DCTN6: variants seen among roughly 807,000 people sequenced by gnomAD.
The protein encoded by DCTN6 is dynactin 6.
In DCTN6, 15 loss-of-function variants were observed where a neutral mutation model predicts 25.8. The observed-to-expected ratio is 0.58, with a 90% CI of 0.39 to 0.89. DCTN6 has a LOEUF of 0.89. DCTN6 is among the 40% of genes least tolerant of loss of function. The pLI is 0.00. For missense variants in DCTN6, 198 were observed against 237.6 expected (o/e 0.83, Z 1.09); for synonymous variants, 64 against 78.3 (o/e 0.82, Z 0.96).
chr8:30,163,566 T>A (rs955973488), intron 1 of DCTN6, among the ~76,000 whole-genome samples: 9 of 152,228 alleles, frequency 5.9e-5, no homozygotes, highest in African/African-American at 1.9e-4. Flanking sequence ...GTGCTGCTAT[T>A]AAAAGAAAAG....
intron 1 of DCTN6, among the ~76,000 whole-genome samples, chr8:30,157,750 G>A (rs1223398427): frequency 1.3e-5 from 2 of 152,078 alleles, no homozygotes; most frequent in Non-Finnish European, 2.9e-5. Flanking sequence ...AAGCCATTTC[G>A]AACAGCAGCA....
chr8:30,170,979 A>T (rs528864598), intron 2 of DCTN6, among the ~76,000 whole-genome samples: 17 of 152,256 alleles, frequency 1.1e-4, no homozygotes, highest in African/African-American at 4.1e-4. Context: ...CTTCTGTGAA[A>T]AAAATTTTTA....
intron 2 of DCTN6, among the ~76,000 whole-genome samples, chr8:30,172,056 G>A (rs974945099): frequency 3.9e-5 from 6 of 152,200 alleles, no homozygotes; most frequent in East Asian, 1.9e-4. Context: ...ATATTTTGAC[G>A]TAAAATATAA....
rs781623347 is a variant in DCTN6 at position 30,177,091 on chromosome 8, T to C, written c.195-35T>C. 5 of 1,552,370 alleles carry C rather than the reference T, an allele frequency of 3.2e-6. No individual in the cohort carries two copies. In the African/African-American group the frequency reaches 5.5e-5, roughly 17 times the overall value. On this transcript the variant is annotated intron_variant, in intron 3 of 6. Transcript: ENST00000221114. The stretch of plus-strand genomic sequence containing the variant: ...GGAAGAAAATTGCTTATTGTGTTAT[T>C]GACTTTTTGGATGATTTGTTTCTTC...
intron 2 of DCTN6, among the ~76,000 whole-genome samples, chr8:30,166,447 C>CCAA (rs1204568063): frequency 1.3e-5 from 2 of 151,504 alleles, no homozygotes; most frequent in African/African-American, 2.4e-5. Flanking sequence ...CACACCTGGC[C>CCAA]CAACAACAAC....
At chr8:30,161,607 A>G (rs1388450792) in intron 1 of DCTN6, among the ~76,000 whole-genome samples, 1 of 151,946 alleles carries the variant, frequency 6.6e-6, no homozygotes, top group Non-Finnish European at 1.5e-5. Context: ...CTTTCTCTTC[A>G]TGATTTTTGT....
chr8:30,161,408 C>G (rs944533878), intron 1 of DCTN6, among the ~76,000 whole-genome samples: 2 of 152,074 alleles, frequency 1.3e-5, no homozygotes, highest in East Asian at 3.9e-4. Flanking sequence ...CCTCCCTGAC[C>G]CCCCCCACCA....
chr8:30,171,987 G>A (rs2117589225), intron 2 of DCTN6, among the ~76,000 whole-genome samples: 1 of 152,246 alleles, frequency 6.6e-6, no homozygotes, highest in African/African-American at 2.4e-5. Context: ...GGGTGGGGCT[G>A]GCTGGGGCTT....
intron 6 of DCTN6, among the ~76,000 whole-genome samples, chr8:30,182,757 A>C (rs1346107734): frequency 3.3e-5 from 5 of 151,414 alleles, no homozygotes; most frequent in African/African-American, 4.9e-5. Context: ...CAGTGGTGTA[A>C]TCATGGCTCA....
chr8:30,182,990 A>G, intron 6 of DCTN6, 85 bp from the exon 7 acceptor site: 1 of 1,106,950 alleles, frequency 9.0e-7, no homozygotes, highest in Non-Finnish European at 1.4e-6. Context: ...CTGAGATTAC[A>G]GGCATGACCC....
chr8:30,158,656 A>T (rs529738968), intron 1 of DCTN6, among the ~76,000 whole-genome samples: 30 of 148,564 alleles, frequency 2.0e-4, no homozygotes, highest in African/African-American at 7.2e-4. Flanking sequence ...TTCTTCTTCA[A>T]TACAGCAGGA....
At position 30,180,488 on chromosome 8, in the gene DCTN6, C is replaced by T. The variant is rs752181411; in HGVS notation, c.332C>T (p.Ala111Val). 2.2e-5 allele frequency: 35 copies of T among 1,610,054 alleles called. No homozygotes were observed. The East Asian group carries it at 7.1e-4, about 33-fold the overall frequency. Residue 111 changes from alanine (A) to valine (V), a missense_variant and splice_region_variant, in exon 6 of 7, where the codon GCA becomes GTA. Transcript: ENST00000221114. ...MGDNNVIESKAYVGRNVILTS... is the reference protein window; with the variant it reads ...MGDNNVIESKVYVGRNVILTS... ...AGTTCTTTCTGTGTTTTTATTGCAG[C>T]ATATGTAGGCAGAAATGTAATATTG...
intron 1 of DCTN6, among the ~76,000 whole-genome samples, chr8:30,157,069 T>TA (rs1803536371): frequency 6.6e-6 from 1 of 152,174 alleles, no homozygotes; most frequent in African/African-American, 2.4e-5. Context: ...ATCAGATGGG[T>TA]AATTTTTCAG....
intron 2 of DCTN6, 51 bp from the exon 3 acceptor site, chr8:30,175,034 G>A (rs1349570347): frequency 2.5e-6 from 4 of 1,570,520 alleles, no homozygotes; most frequent in Non-Finnish European, 2.6e-6. Flanking sequence ...CCACCCTTCT[G>A]TTGGAAGCAT....
At chr8:30,176,609 C>T (rs1314302764) in intron 3 of DCTN6, 1 of 152,714 alleles carries the variant, frequency 6.5e-6, no homozygotes, top group Non-Finnish European at 1.5e-5. Context: ...GACTTCTTCA[C>T]TTTTCAGTAG....
intron 2 of DCTN6, among the ~76,000 whole-genome samples, chr8:30,174,671 AAG>A (rs1401221417): frequency 1.3e-5 from 2 of 152,220 alleles, no homozygotes; most frequent in Non-Finnish European, 2.9e-5. Flanking sequence ...AGCTTAAGCA[AAG>A]AGAGTGTTAC....
chr8:30,178,814 G>A (rs140549777), intron 4 of DCTN6, among the ~76,000 whole-genome samples: 41 of 152,068 alleles, frequency 2.7e-4, no homozygotes, highest in East Asian at 1.5e-3. Context: ...GCACACCACC[G>A]TGCCCAGCTA....
At chr8:30,161,264 T>C (rs1803590399) in intron 1 of DCTN6, among the ~76,000 whole-genome samples, 1 of 152,182 alleles carries the variant, frequency 6.6e-6, no homozygotes, top group Non-Finnish European at 1.5e-5. Flanking sequence ...TCCCCAGTCA[T>C]GTGGAACTGT....
chr8:30,163,973 A>G lies in DCTN6; in HGVS notation c.24-138A>G, dbSNP rs1803631770. The G allele has an allele frequency of 1.9e-5, 13 of 699,274 alleles. No individual in the cohort carries two copies. The South Asian group carries it at 2.1e-4, about 11-fold the overall frequency. The allele number at this position is 699,274 out of a possible 1,614,324, so 43.3% of individuals were successfully genotyped here. A position where few individuals can be genotyped will look rare whatever the true frequency, so the allele number is the denominator to read the frequency against. On this transcript the variant is annotated intron_variant, in intron 1 of 6. Transcript: ENST00000221114. ...CACCTCGGCCTCCCAAAGTGCTAGG[A>G]TTACAGGCGTGAGCCACTGCGCCTG...
Sources: gnomAD v4.1 joint callset for allele counts (sites outside exome capture counted in the v4.1 genomes callset) on GRCh38, gnomAD v4.1.1 for gene constraint, MANE v1.5 for transcripts, NCBI Gene and HGNC (gene_info 2026-07-23, HGNC 2026-07-21) for gene names.